MLKL: variants seen among roughly 807,000 people sequenced by gnomAD.
The protein encoded by MLKL is mixed lineage kinase domain like pseudokinase, also known as mixed lineage kinase domain-like protein.
Under a neutral mutation model 56.5 loss-of-function variants are expected in MLKL, and 55 were observed. The observed-to-expected ratio is 0.97, with a 90% CI of 0.78 to 1.22. The LOEUF is 1.22. Among genes scored for constraint, MLKL ranks in the 50% most tolerant of loss-of-function variants. MLKL has a pLI of 0.00. For synonymous variants in MLKL, 251 were observed against 208.3 expected, an observed-to-expected ratio of 1.20 and a Z score of -1.76; for missense variants, 694 against 573.9, an observed-to-expected ratio of 1.21 and a Z score of -2.14.
intron 4 of MLKL, among the ~76,000 whole-genome samples, chr16:74,688,054 G>A (rs946373524): frequency 2.0e-5 from 3 of 152,192 alleles, no homozygotes. Context: ...TTGATCTCCT[G>A]ACCTGGTGAT....
intron 1 of MLKL, among the ~76,000 whole-genome samples, chr16:74,698,978 T>A (rs1961218477): frequency 6.6e-6 from 1 of 151,916 alleles, no homozygotes; most frequent in Admixed American, 6.6e-5. Context: ...CCAAGCATGG[T>A]AGCAGGCGCC....
Position 74,692,421 on chromosome 16 carries a change from A to T in MLKL, c.461-5T>A. 1.9e-6 allele frequency: 3 copies of T among 1,611,186 alleles called. No homozygotes were observed. Among genetic ancestry groups the T allele is most frequent in the Non-Finnish European group, 2.5e-6 (3 of 1,178,628 alleles). ...AAGCTTCTATTTTTTCATTATCTGC[A>T]GGAAAAAAGGGCAGTATATGCTCAA... is the stretch of plus-strand genomic sequence containing the variant. On this transcript the variant is annotated splice_polypyrimidine_tract_variant and splice_region_variant and intron_variant, in intron 2 of 10. Transcript: ENST00000308807.
intron 4 of MLKL, among the ~76,000 whole-genome samples, chr16:74,690,527 T>C (rs1269367602): frequency 6.6e-6 from 1 of 152,094 alleles, no homozygotes; most frequent in African/African-American, 2.4e-5. Flanking sequence ...CTCACGCCTG[T>C]TATCCCAACA....
chr16:74,697,985 C>T (rs189986164), intron 1 of MLKL, among the ~76,000 whole-genome samples: 16 of 152,232 alleles, frequency 1.1e-4, no homozygotes, highest in Admixed American at 9.2e-4. Context: ...GCCAGGGGAT[C>T]GTATGAGCCT....
chr16:74,687,161 A>G (rs983470431), intron 4 of MLKL, among the ~76,000 whole-genome samples: 1 of 152,080 alleles, frequency 6.6e-6, no homozygotes, highest in African/African-American at 2.4e-5. Flanking sequence ...TTTATAGTAG[A>G]GGCGGGGTTT....
In MLKL at chr16:74,675,676, T is replaced by G. The variant is rs760927683; in HGVS notation, c.1127A>C (p.Tyr376Ser). The G allele has an allele frequency of 3.7e-6, 6 of 1,614,002 alleles. No homozygotes were observed. The highest frequency in any genetic ancestry group is 1.6e-4 in the Middle Eastern group (1 of 6,084). ...EKTDRVKSTA[Y>S]LSPQELEDVF... ...ATCTTCCAGTTCCTGAGGTGAGAGATATGCTGTAGATTTGACTCTGTCTGT... is the reference window on the plus strand; with the variant it reads ...ATCTTCCAGTTCCTGAGGTGAGAGAGATGCTGTAGATTTGACTCTGTCTGT... The change falls in exon 8 of 11, where the codon TAT becomes TCT. Residue 376 changes from tyrosine to serine, a missense_variant. By Grantham distance (144) the Tyr-to-Ser change is moderately radical (BLOSUM62 -2). Transcript: ENST00000308807.
At position 74,685,339 on chromosome 16, in the gene MLKL, T is replaced by G. The variant is rs1597495187; in HGVS notation, c.820+147A>C. 9.1e-5 allele frequency: 59 copies of G among 647,532 alleles called. 1 individual carries two copies. In the East Asian group the frequency reaches 1.6e-3, roughly 18 times the overall value. 40.1% of individuals were successfully genotyped at this position (647,532 alleles called of 1,614,324 possible). On this transcript the variant is annotated intron_variant, in intron 5 of 10. Coordinates refer to ENST00000308807, the MANE Select transcript of MLKL (RefSeq NM_152649.4). ...GAAGATGAGAACATGCATCTTGGGA[T>G]GAAAAAAAAAAAATTAACATTGATA...
chr16:74,685,960 G>C (rs1007440775), intron 4 of MLKL, among the ~76,000 whole-genome samples: 1 of 149,902 alleles, frequency 6.7e-6, no homozygotes, highest in African/African-American at 2.4e-5. Context: ...TGTGGTGTGT[G>C]TCTTTTTTTT....
At chr16:74,675,152 C>G (rs763400334) in intron 9 of MLKL, 52 bp from the exon 10 acceptor site, 3 of 1,604,118 alleles carry the variant, frequency 1.9e-6, no homozygotes, top group Non-Finnish European at 2.6e-6. Flanking sequence ...ACTCGTACAT[C>G]TCTCTGGATG....
chr16:74,693,603 A>ATTT (rs71376299), intron 2 of MLKL, among the ~76,000 whole-genome samples: 7 of 135,792 alleles, frequency 5.2e-5, no homozygotes, highest in South Asian at 4.8e-4. Flanking sequence ...GAAATGGTAA[A>ATTT]TTTTTTTTTT....
chr16:74,678,949 C>T lies in MLKL; in HGVS notation c.988G>A (p.Gly330Arg), dbSNP rs145083759. 55 of 1,614,080 alleles carry T rather than the reference C, an allele frequency of 3.4e-5. No individual in the cohort carries two copies. The highest frequency in any genetic ancestry group is 1.6e-4 in the Middle Eastern group (1 of 6,062). ...LHHSEAPELHGKIRSSNFLVT... is the reference protein window; with the variant it reads ...LHHSEAPELHRKIRSSNFLVT... ...AGGAAGTTTGAGCTTCTGATTTTTC[C>T]GTGGAGTTCAGGTGCTTCTGAATGG... The change falls in exon 7 of 11, where the codon GGA becomes AGA. Residue 330 changes from glycine to arginine, a missense_variant. Gly to Arg is a moderately radical substitution (Grantham distance 125). Transcript: ENST00000308807.
At chr16:74,684,226 A>G (rs1173119964) in intron 5 of MLKL, among the ~76,000 whole-genome samples, 4 of 151,630 alleles carry the variant, frequency 2.6e-5, no homozygotes, top group African/African-American at 7.3e-5. Context: ...GGGATTACAG[A>G]TGTGAGCCAC....
At chr16:74,688,172 G>T (rs1244517113) in intron 4 of MLKL, among the ~76,000 whole-genome samples, 1 of 151,804 alleles carries the variant, frequency 6.6e-6, no homozygotes, top group Non-Finnish European at 1.5e-5. Context: ...GTTTCGCCAT[G>T]TTGGCTAGGC....
chr16:74,694,287 T>A (rs1387947422), intron 2 of MLKL, among the ~76,000 whole-genome samples: 1 of 152,258 alleles, frequency 6.6e-6, no homozygotes, highest in African/African-American at 2.4e-5. Flanking sequence ...GATTATCATT[T>A]TGTCTATATG....
chr16:74,692,291 T>C (rs1446972832), intron 3 of MLKL, 51 bp downstream of exon 3: 2 of 1,511,970 alleles, frequency 1.3e-6, no homozygotes, highest in Non-Finnish European at 1.8e-6. Context: ...AGTAAACTGA[T>C]GACTTCTAGT....
At chr16:74,695,126 C>T (rs188781135) in intron 2 of MLKL, among the ~76,000 whole-genome samples, 172 bp downstream of exon 2, 1 of 152,342 alleles carries the variant, frequency 6.6e-6, no homozygotes, top group East Asian at 1.9e-4. Context: ...CCCGCCTCGG[C>T]CTCCCAAAGT....
chr16:74,700,037 G>T (rs758052301), intron 1 of MLKL, among the ~76,000 whole-genome samples: 5 of 151,982 alleles, frequency 3.3e-5, no homozygotes, highest in African/African-American at 4.8e-5. Context: ...TCTTTAAATG[G>T]TAATAACAAT....
Position 74,678,961 on chromosome 16 carries a change from G to A in MLKL, c.976C>T (p.Pro326Ser). ...CTTCTGATTTTTCCGTGGAGTTCAGGTGCTTCTGAATGGTGTAGCCTGACA... is the reference window on the plus strand; with the variant it reads ...CTTCTGATTTTTCCGTGGAGTTCAGATGCTTCTGAATGGTGTAGCCTGACA... ...GLYRLHHSEA[P>S]ELHGKIRSSN... Residue 326 changes from proline to serine, a missense_variant, in exon 7 of 11, where the codon CCT becomes TCT. Transcript: ENST00000308807. 6.2e-7 allele frequency: 1 copy of A among 1,614,034 alleles called. No homozygotes were observed. The highest frequency in any genetic ancestry group is 8.5e-7 in the Non-Finnish European group (1 of 1,179,954).
At chr16:74,685,655 C>T in intron 4 of MLKL, 72 bp from the exon 5 acceptor site, 1 of 1,255,922 alleles carries the variant, frequency 8.0e-7, no homozygotes, top group Non-Finnish European at 1.2e-6. Flanking sequence ...AGTGTGGTGA[C>T]CCTCTGTGTA....
Sources: gnomAD v4.1 joint callset for allele counts (sites outside exome capture counted in the v4.1 genomes callset) on GRCh38, gnomAD v4.1.1 for gene constraint, MANE v1.5 for transcripts, NCBI Gene and HGNC (gene_info 2026-07-23, HGNC 2026-07-21) for gene names.